Variants in ADGRE3 observed in about 807,000 individuals in gnomAD.
ADGRE3 encodes EGF-like module receptor 3.
Under a neutral mutation model 80.1 loss-of-function variants are expected in ADGRE3, and 88 were observed. That is an observed-to-expected ratio of 1.10 (90% CI 0.93 to 1.31). ADGRE3 has a LOEUF of 1.31. Among genes scored for constraint, ADGRE3 ranks in the 40% most tolerant of loss-of-function variants. The pLI, the probability that ADGRE3 is intolerant of heterozygous loss-of-function variation, is 0.00. For missense variants in ADGRE3, 715 were observed against 776.5 expected, an observed-to-expected ratio of 0.92 and a Z score of 0.94; for synonymous variants, 281 against 294.8, an observed-to-expected ratio of 0.95 and a Z score of 0.48.
intron 11 of ADGRE3, among the ~76,000 whole-genome samples, 159 bp downstream of exon 11, chr19:14,637,946 C>T (rs1232048928): frequency 2.0e-5 from 3 of 152,090 alleles, no homozygotes; most frequent in Admixed American, 6.6e-5. Flanking sequence ...CAAACTCTTA[C>T]CACCATCTCA....
intron 1 of ADGRE3, among the ~76,000 whole-genome samples, chr19:14,672,861 G>T (rs575402733): frequency 6.6e-6 from 1 of 151,624 alleles, no homozygotes; most frequent in Non-Finnish European, 1.5e-5. Context: ...CAATCTTCCC[G>T]CCTTGCCTTC....
chr19:14,617,387 T>TTTCTTTCTTTCTTTCTTTCC, downstream of ADGRE3, among the ~76,000 whole-genome samples: 1 of 139,358 alleles, frequency 7.2e-6, no homozygotes, highest in Non-Finnish European at 1.5e-5. Context: ...CCTTTCTTTC[T>TTTCTTTCTTTCTTTCTTTCC]TTCTTTCTTT....
intron 13 of ADGRE3, among the ~76,000 whole-genome samples, chr19:14,632,274 T>C (rs1398324035): frequency 3.3e-5 from 5 of 152,200 alleles, no homozygotes; most frequent in Admixed American, 6.5e-5. Context: ...TCTTAGTAAC[T>C]GTTGGATTAG....
At position 14,668,878 on chromosome 19, in the gene ADGRE3, A is replaced by T. The variant is rs772771657; in HGVS notation, c.26-26T>A. The T allele has an allele frequency of 4.3e-6, 7 of 1,609,372 alleles. No homozygotes were observed. In the South Asian group the frequency reaches 7.7e-5, roughly 18 times the overall value. On this transcript the variant is annotated intron_variant, in intron 1 of 15. Transcript: ENST00000253673. Reference sequence around the variant, plus strand: ...CTGGAATAGATGGGAAACAGAAGGGAGAGACATGAAACAATTGAGGAGAGA... The same window carrying T: ...CTGGAATAGATGGGAAACAGAAGGGTGAGACATGAAACAATTGAGGAGAGA...
chr19:14,609,274 T>G, the ADGRE3 span, among the ~76,000 whole-genome samples: 1 of 152,208 alleles, frequency 6.6e-6, no homozygotes, highest in East Asian at 1.9e-4. Flanking sequence ...TCTGGTGCTG[T>G]TGACATCCCA....
intron 11 of ADGRE3, among the ~76,000 whole-genome samples, chr19:14,636,669 C>T (rs1438355675): frequency 6.6e-6 from 1 of 152,134 alleles, no homozygotes; most frequent in African/African-American, 2.4e-5. Context: ...ATCCAGGATT[C>T]ACTGCCAGGT....
intron 2 of ADGRE3, among the ~76,000 whole-genome samples, chr19:14,667,581 A>G (rs568784924): frequency 1.3e-5 from 2 of 152,136 alleles, no homozygotes; most frequent in Non-Finnish European, 2.9e-5. Flanking sequence ...TCAGCAAACT[A>G]TCAGAAGGAC....
intron 11 of ADGRE3, among the ~76,000 whole-genome samples, chr19:14,636,685 T>G (rs1971101372): frequency 6.6e-6 from 1 of 152,162 alleles, no homozygotes. Flanking sequence ...CAGGTCAGCT[T>G]GCTCTCTGAC....
intron 11 of ADGRE3, among the ~76,000 whole-genome samples, chr19:14,636,149 T>TCTTTCTTCCTTC (rs774422809): frequency 3.9e-4 from 16 of 40,602 alleles, no homozygotes; most frequent in African/African-American, 8.7e-4. Context: ...TTTCTTTCTT[T>TCTTTCTTCCTTC]CTTCCTTTCC....
At chr19:14,657,745 A>T (rs75143043) in intron 5 of ADGRE3, among the ~76,000 whole-genome samples, 51,054 of 126,052 alleles carry the variant, frequency 0.41, 9,099 homozygotes, top group Middle Eastern at 0.52. Flanking sequence ...ATATATATAT[A>T]TTTTTTTGTT....
At chr19:14,650,308 C>T (rs975783640) in intron 7 of ADGRE3, among the ~76,000 whole-genome samples, 3 of 151,274 alleles carry the variant, frequency 2.0e-5, no homozygotes, top group Non-Finnish European at 4.4e-5. Flanking sequence ...CCCCATCTCT[C>T]TTTTCTCATC....
intron 14 of ADGRE3, among the ~76,000 whole-genome samples, chr19:14,626,317 A>T (rs930164697): frequency 6.6e-6 from 1 of 151,988 alleles, no homozygotes; most frequent in Non-Finnish European, 1.5e-5. Flanking sequence ...CATGACTGTA[A>T]TCCCAGCTAC....
At chr19:14,663,348 GA>G (rs1233390904) in intron 3 of ADGRE3, 69 bp downstream of exon 3, 1 of 1,040,322 alleles carries the variant, frequency 9.6e-7, no homozygotes, top group Admixed American at 3.0e-5. Context: ...CTGGGCAACA[GA>G]GCAAGACCCT....
intron 5 of ADGRE3, among the ~76,000 whole-genome samples, chr19:14,656,141 T>C (rs1971750044): frequency 6.7e-6 from 1 of 148,224 alleles, no homozygotes. Flanking sequence ...AGGTCAGGAG[T>C]TCAAGACCAG....
chr19:14,614,042 T>A, the ADGRE3 span, among the ~76,000 whole-genome samples: 4 of 152,104 alleles, frequency 2.6e-5, no homozygotes, highest in African/African-American at 9.7e-5. Flanking sequence ...TGGAGTGCAG[T>A]GGCATTTCAC....
Position 14,662,035 on chromosome 19 carries a change from G to T in ADGRE3, c.283C>A (p.Gln95Lys). 6.2e-7 allele frequency: 1 copy of T among 1,613,948 alleles called. No individual in the cohort carries two copies. The highest frequency in any genetic ancestry group is 8.5e-7 in the Non-Finnish European group (1 of 1,179,804). The change falls in exon 4 of 16, where the codon CAA becomes AAA. Residue 95 changes from glutamine to lysine, a missense_variant. Physicochemically the swap from Gln to Lys is moderately conservative, Grantham distance 53 (BLOSUM62 1). Coordinates refer to ENST00000253673, the MANE Select transcript of ADGRE3 (RefSeq NM_032571.5). ...CYNVEGSFYC[Q>K]CVPGYRLHSG... ...TGCAGTCTATATCCTGGGACACATTGACAGTAGAAACTTCCTTCGACATTG... is the reference window on the plus strand; with the variant it reads ...TGCAGTCTATATCCTGGGACACATTTACAGTAGAAACTTCCTTCGACATTG...
At chr19:14,602,093 A>G in the ADGRE3 span, among the ~76,000 whole-genome samples, 1 of 152,024 alleles carries the variant, frequency 6.6e-6, no homozygotes, top group Non-Finnish European at 1.5e-5. Flanking sequence ...CGCCTGGCCC[A>G]GCAAATTATT....
chr19:14,656,568 C>A (rs1372162912), intron 5 of ADGRE3, among the ~76,000 whole-genome samples: 1 of 152,032 alleles, frequency 6.6e-6, no homozygotes, highest in Non-Finnish European at 1.5e-5. Context: ...ACTTACTGCT[C>A]GGGGAAGGCT....
intron 10 of ADGRE3, among the ~76,000 whole-genome samples, chr19:14,640,784 C>T (rs768836396): frequency 2.0e-5 from 3 of 152,090 alleles, no homozygotes; most frequent in African/African-American, 4.8e-5. Flanking sequence ...ATATTGTTCT[C>T]GTGGTAGGAA....
Sources: allele counts gnomAD v4.1 joint callset (sites outside exome capture counted in the v4.1 genomes callset), GRCh38; gene constraint gnomAD v4.1.1; transcripts MANE v1.5; gene names NCBI Gene and HGNC (gene_info 2026-07-23, HGNC 2026-07-21).